The following ARHGEF9 variants were observed in gnomAD, a reference collection of about 807,000 sequenced individuals.
ARHGEF9 encodes the protein Cdc42 guanine nucleotide exchange factor 9, also known as rho guanine nucleotide exchange factor 9.
A neutral mutation model predicts 41.3 loss-of-function variants in ARHGEF9; 2 were observed. That is an observed-to-expected ratio of 0.05 (90% CI 0.02 to 0.15). The LOEUF (loss-of-function observed/expected upper bound fraction) is 0.15, where lower values mean the gene tolerates loss of function less well. ARHGEF9 is among the 10% of genes least tolerant of loss of function. The pLI, the probability that ARHGEF9 is intolerant of heterozygous loss-of-function variation, is 1.00. For missense variants in ARHGEF9, 225 were observed against 424.7 expected, an observed-to-expected ratio of 0.53 and a Z score of 4.13; for synonymous variants, 160 against 154.4, an observed-to-expected ratio of 1.04 and a Z score of -0.27.
chrX:63,715,373 T>C (rs1556409449), intron 2 of ARHGEF9, among the ~76,000 whole-genome samples: 1 of 111,384 alleles, frequency 9.0e-6, no homozygotes, highest in African/African-American at 3.3e-5. Context: ...CTAAGCAGAA[T>C]GCTGAAATCA....
intron 8 of ARHGEF9, among the ~76,000 whole-genome samples, chrX:63,645,711 T>C (rs1273470008): frequency 4.5e-5 from 5 of 111,957 alleles, no homozygotes; most frequent in South Asian, 3.7e-4. Flanking sequence ...GTCTTTATAG[T>C]AGCATGATTT....
At chrX:63,742,033 T>C (rs1556427052) in intron 1 of ARHGEF9, among the ~76,000 whole-genome samples, 1 of 112,257 alleles carries the variant, frequency 8.9e-6, no homozygotes, top group Non-Finnish European at 1.9e-5. Flanking sequence ...CTAACAGCCT[T>C]CCTTCAAGTC....
intron 1 of ARHGEF9, among the ~76,000 whole-genome samples, chrX:63,734,033 A>G (rs1308527116): frequency 8.9e-6 from 1 of 112,635 alleles, no homozygotes; most frequent in African/African-American, 3.2e-5. Flanking sequence ...GACCCAACAG[A>G]TGAGAAAAGG....
chrX:63,714,645 T>C (rs1556408955), intron 2 of ARHGEF9, among the ~76,000 whole-genome samples: 1 of 111,937 alleles, frequency 8.9e-6, no homozygotes, highest in Non-Finnish European at 1.9e-5. Context: ...ATAGAAATAA[T>C]ATCTATCTAT....
Position 63,776,232 on chromosome X carries a change from G to A in ARHGEF9, c.30+8884C>T, listed in dbSNP as rs1351768354. On this transcript the variant is annotated intron_variant, in intron 1 of 9. Transcript: ENST00000671741. ...TCTGCTCCTTTCTCCCCCTCACCAA[G>A]GCACTGCCATGGTAACCCTAGGGTT... Among the ~76,000 whole-genome samples, 14 of 111,405 alleles carry A rather than the reference G, an allele frequency of 1.3e-4. No homozygotes were observed. In the East Asian group the frequency reaches 3.9e-3, roughly 31 times the overall value.
chrX:63,763,035 A>G (rs2056059039), intron 1 of ARHGEF9, among the ~76,000 whole-genome samples: 1 of 112,187 alleles, frequency 8.9e-6, no homozygotes, highest in Non-Finnish European at 1.9e-5. Context: ...ATATGTGTCA[A>G]TCAACTGTGT....
chrX:63,649,905 A>G (rs1173139411), intron 8 of ARHGEF9, among the ~76,000 whole-genome samples: 1 of 112,024 alleles, frequency 8.9e-6, no homozygotes, highest in African/African-American at 3.2e-5. Flanking sequence ...TGATTTTGTA[A>G]AAATCAAAAT....
intron 1 of ARHGEF9, chrX:63,767,314 G>A: frequency 1.4e-6 from 1 of 690,497 alleles, no homozygotes; most frequent in Non-Finnish European, 2.3e-6. Flanking sequence ...TTTTGATGAG[G>A]CTTCCAAGAA....
intron 2 of ARHGEF9, among the ~76,000 whole-genome samples, chrX:63,711,388 C>T (rs2052922351): frequency 9.0e-6 from 1 of 111,602 alleles, no homozygotes; most frequent in Non-Finnish European, 1.9e-5. Flanking sequence ...AGGACTCACA[C>T]TTTCTGATTT....
chrX:63,764,370 G>T (rs2056081931), intron 1 of ARHGEF9, among the ~76,000 whole-genome samples: 1 of 112,702 alleles, frequency 8.9e-6, no homozygotes, highest in Non-Finnish European at 1.9e-5. Context: ...CACTGTTGGT[G>T]GGAATGTAAA....
At chrX:63,780,622 A>G (rs782732919) in intron 1 of ARHGEF9, among the ~76,000 whole-genome samples, 26 of 112,601 alleles carry the variant, frequency 2.3e-4, no homozygotes, top group African/African-American at 7.7e-4. Flanking sequence ...AACAAACAAC[A>G]ACAACAACAA....
chrX:63,751,946 C>T (rs1277994764), intron 1 of ARHGEF9, among the ~76,000 whole-genome samples: 10 of 110,667 alleles, frequency 9.0e-5, no homozygotes, highest in Non-Finnish European at 1.3e-4. Flanking sequence ...GAAGGCATTT[C>T]GTGACACTAT....
At chrX:63,658,578 A>G (rs2049015741) in intron 7 of ARHGEF9, among the ~76,000 whole-genome samples, 1 of 111,542 alleles carries the variant, frequency 9.0e-6, no homozygotes, top group African/African-American at 3.3e-5. Flanking sequence ...GCTCTAATAT[A>G]AACATGTCAT....
chrX:63,647,254 C>A (rs782320695), intron 8 of ARHGEF9, among the ~76,000 whole-genome samples: 1 of 111,845 alleles, frequency 8.9e-6, no homozygotes, highest in South Asian at 3.8e-4. Context: ...CTGGCCAGAA[C>A]TTCCAACACT....
rs2047381049 is a variant in ARHGEF9 at position 63,637,842 on chromosome X, C to CTT, written c.*185_*186insAA. On this transcript the variant is annotated 3_prime_UTR_variant, in exon 10 of 10. Transcript: ENST00000671741. ...AACAGAAAACACTTTTGTTCCTTAT[C>CTT]TCTCTGTGTGTGTGTGTGTGTGTGT... is the stretch of plus-strand genomic sequence containing the variant. The CTT allele has an allele frequency of 3.0e-6, 1 of 331,241 alleles. No homozygotes were observed. The highest frequency in any genetic ancestry group is 4.8e-6 in the Non-Finnish European group (1 of 207,579). 27.3% of individuals were successfully genotyped at this position (331,241 alleles called of 1,213,427 possible). A position where few individuals can be genotyped will look rare whatever the true frequency, so the allele number is the denominator to read the frequency against.
At chrX:63,771,251 T>A (rs868992541) in intron 1 of ARHGEF9, among the ~76,000 whole-genome samples, 3 of 112,289 alleles carry the variant, frequency 2.7e-5, no homozygotes, top group Non-Finnish European at 5.6e-5. Context: ...AGGCTATCAT[T>A]AATTGGGCCC....
intron 1 of ARHGEF9, among the ~76,000 whole-genome samples, chrX:63,728,099 C>T (rs1160437253): frequency 2.7e-5 from 3 of 112,084 alleles, no homozygotes; most frequent in Non-Finnish European, 3.8e-5. Context: ...AAGGCGTTAA[C>T]AGCTGTGTGG....
In ARHGEF9 at chrX:63,731,552, G is replaced by A. The variant is rs1276284170; in HGVS notation, c.31-6841C>T. 1.1e-4 allele frequency among the ~76,000 whole-genome samples: 8 copies of A among 75,866 alleles called. No individual in the cohort carries two copies. The South Asian group carries it at 5.5e-3, about 53-fold the overall frequency. 65.9% of individuals were successfully genotyped at this position (75,866 alleles called of 115,157 possible). A position where few individuals can be genotyped will look rare whatever the true frequency, so the allele number is the denominator to read the frequency against. On this transcript the variant is annotated intron_variant, in intron 1 of 9. Transcript: ENST00000671741. ...TGGACAGGTCCCTTTCCCTGTCTCA[G>A]TTTTTTTTTTTTTTTTTTTTTTTTT...
intron 8 of ARHGEF9, among the ~76,000 whole-genome samples, chrX:63,648,713 A>C (rs1380684677): frequency 6.3e-5 from 7 of 111,241 alleles, no homozygotes; most frequent in Admixed American, 1.9e-4. Flanking sequence ...CCCATCTCAC[A>C]TGCAGAGACA....
Sources: gnomAD v4.1 joint callset for allele counts (sites outside exome capture counted in the v4.1 genomes callset) on GRCh38, gnomAD v4.1.1 for gene constraint, MANE v1.5 for transcripts, NCBI Gene and HGNC (gene_info 2026-07-23, HGNC 2026-07-21) for gene names.